NACC2: variants seen among roughly 807,000 people sequenced by gnomAD.
NACC2 encodes the protein nucleus accumbens-associated protein 2.
NACC2 carries 8 observed loss-of-function variants against 25.1 expected under a neutral mutation model. That is an observed-to-expected ratio of 0.32 (90% CI 0.19 to 0.57). The LOEUF (loss-of-function observed/expected upper bound fraction) is 0.57. Among genes scored for constraint, NACC2 ranks in the 20% least tolerant of loss-of-function variants. NACC2 has a pLI of 0.89. For synonymous variants in NACC2, 435 were observed against 294.7 expected, an observed-to-expected ratio of 1.48 and a Z score of -4.88; for missense variants, 644 against 650.2, an observed-to-expected ratio of 0.99 and a Z score of 0.10.
intron 2 of NACC2, among the ~76,000 whole-genome samples, chr9:136,037,401 T>C (rs1371474794): frequency 2.6e-5 from 4 of 152,112 alleles, no homozygotes; most frequent in African/African-American, 7.2e-5. Flanking sequence ...TTGTATTCCA[T>C]TGTATGGCCA....
intron 2 of NACC2, among the ~76,000 whole-genome samples, chr9:136,033,253 C>T (rs1396578971): frequency 6.6e-6 from 1 of 152,020 alleles, no homozygotes; most frequent in Non-Finnish European, 1.5e-5. Flanking sequence ...AGTGAGTTAG[C>T]AAGGTAAGCA....
chr9:136,083,378 A>G (rs1170471584), intron 1 of NACC2, among the ~76,000 whole-genome samples: 1 of 152,136 alleles, frequency 6.6e-6, no homozygotes, highest in Non-Finnish European at 1.5e-5. Context: ...GCAGCCACAG[A>G]GAAGAGGGAG....
At chr9:136,091,204 A>G (rs1351547702) in intron 1 of NACC2, among the ~76,000 whole-genome samples, 1 of 152,042 alleles carries the variant, frequency 6.6e-6, no homozygotes, top group Non-Finnish European at 1.5e-5. Flanking sequence ...TCACTGGCCC[A>G]ACAGCCCCCA....
At chr9:136,014,053 G>A (rs565341272) in intron 3 of NACC2, 84 bp from the exon 4 acceptor site, 11 of 682,356 alleles carry the variant, frequency 1.6e-5, no homozygotes, top group Non-Finnish European at 2.1e-5. Context: ...GAGGGGGAGG[G>A]GGGGAGGTGG....
At position 136,011,551 on chromosome 9, in the gene NACC2, G is replaced by C; in HGVS notation, c.1729C>G (p.Arg577Gly). 7.1e-7 allele frequency: 1 copy of C among 1,406,612 alleles called. No individual in the cohort carries two copies. The highest frequency in any genetic ancestry group is 9.2e-7 in the Non-Finnish European group (1 of 1,086,144). The allele number at this position is 1,406,612 out of a possible 1,614,324, so 87.1% of individuals were successfully genotyped here. A position where few individuals can be genotyped will look rare whatever the true frequency, so the allele number is the denominator to read the frequency against. Reference protein sequence around the residue: ...SRPQTPAAAARRPEGTYAGTL With the variant: ...SRPQTPAAAAGRPEGTYAGTL ...CCTGCATAGGTGCCCTCCGGCCTCCGGGCCGCGGCCGCCGGCGTCTGGGGC... is the reference window on the plus strand; with the variant it reads ...CCTGCATAGGTGCCCTCCGGCCTCCCGGCCGCGGCCGCCGGCGTCTGGGGC... The change falls in exon 6 of 6, where the codon CGG becomes GGG. Residue 577 changes from arginine to glycine, a missense_variant. Physicochemically the swap from Arg to Gly is moderately radical, Grantham distance 125 (BLOSUM62 -2). Transcript: ENST00000277554.
chr9:136,033,648 CAAAAAAA>C (rs558163152), intron 2 of NACC2, among the ~76,000 whole-genome samples: 1 of 71,204 alleles, frequency 1.4e-5, no homozygotes, highest in Non-Finnish European at 2.6e-5. Flanking sequence ...GACTCTGTCT[CAAAAAAA>C]AAAAAAAAAA....
In NACC2 at chr9:136,043,526, T is replaced by C. The variant is rs1296845176; in HGVS notation, c.886+6110A>G. ...GGCTGCTGGTGGGAGTGCGGCCTCATGCAGCCCCTTGGCCTCATGCGTTCA... is the reference window on the plus strand; with the variant it reads ...GGCTGCTGGTGGGAGTGCGGCCTCACGCAGCCCCTTGGCCTCATGCGTTCA... On this transcript the variant is annotated intron_variant, in intron 2 of 5. Coordinates refer to ENST00000277554, the MANE Select transcript of NACC2 (RefSeq NM_144653.5). Among the ~76,000 whole-genome samples, 4 of 152,246 alleles carry C rather than the reference T, an allele frequency of 2.6e-5. No individual in the cohort carries two copies. The East Asian group carries it at 7.7e-4, about 29-fold the overall frequency.
chr9:136,045,693 T>C (rs1430204503), intron 2 of NACC2, among the ~76,000 whole-genome samples: 6 of 152,102 alleles, frequency 3.9e-5, no homozygotes, highest in Non-Finnish European at 2.9e-5. Context: ...CGGTCTGCCA[T>C]GCCACAGGTG....
chr9:136,065,613 C>T (rs889535616), intron 1 of NACC2, among the ~76,000 whole-genome samples: 3 of 152,104 alleles, frequency 2.0e-5, no homozygotes, highest in Admixed American at 1.3e-4. Context: ...AAGCGAGACG[C>T]GGTTTCAGAT....
rs1697329536 is a variant in NACC2 at position 136,013,128 on chromosome 9, C to T, written c.1255+71G>A. ...GGCCGGGAGCACCCCCGCGGCCCAC[C>T]CAGTCCTCCTCAGGCTGGGATCTGA... On this transcript the variant is annotated intron_variant, in intron 5 of 5. Coordinates refer to ENST00000277554, the MANE Select transcript of NACC2 (RefSeq NM_144653.5). This position sits in a 1 kb window ranked among gnomAD's most constrained non-coding sequence, Gnocchi z 6.6. The T allele has an allele frequency of 2.1e-6, 3 of 1,424,074 alleles. No individual in the cohort carries two copies. Among genetic ancestry groups the T allele is most frequent in the East Asian group, 2.3e-5 (1 of 43,162 alleles). 88.2% of individuals were successfully genotyped at this position (1,424,074 alleles called of 1,614,324 possible). A position where few individuals can be genotyped will look rare whatever the true frequency, so the allele number is the denominator to read the frequency against.
At chr9:136,070,478 G>A (rs1841136891) in intron 1 of NACC2, among the ~76,000 whole-genome samples, 1 of 151,814 alleles carries the variant, frequency 6.6e-6, no homozygotes, top group East Asian at 1.9e-4. Flanking sequence ...CTGCACTCCA[G>A]CCTGGGCGAC....
At chr9:136,079,626 A>T (rs562175876) in intron 1 of NACC2, among the ~76,000 whole-genome samples, 2 of 152,326 alleles carry the variant, frequency 1.3e-5, no homozygotes, top group African/African-American at 4.8e-5. Flanking sequence ...GAGAGGCCAG[A>T]GGCCCCCCAG....
chr9:136,028,455 C>A (rs1429333536), intron 2 of NACC2, among the ~76,000 whole-genome samples: 2 of 149,152 alleles, frequency 1.3e-5, no homozygotes. Flanking sequence ...CAGCTCACTG[C>A]AACTCTGCCT....
chr9:136,036,573 T>A (rs1376663111), intron 2 of NACC2, among the ~76,000 whole-genome samples: 1 of 152,156 alleles, frequency 6.6e-6, no homozygotes, highest in Non-Finnish European at 1.5e-5. Context: ...ACACGTATAT[T>A]AGCTGACAAC....
intron 1 of NACC2, among the ~76,000 whole-genome samples, chr9:136,088,370 G>T (rs981357998): frequency 6.6e-6 from 1 of 152,096 alleles, no homozygotes; most frequent in Non-Finnish European, 1.5e-5. Context: ...TCTCCCCTAG[G>T]GCAAAAATTT....
intron 1 of NACC2, among the ~76,000 whole-genome samples, chr9:136,051,919 A>AGGAGGAGGAGGAGGAGGAGATGGT (rs1840850200): frequency 1.3e-4 from 2 of 14,984 alleles, no homozygotes; most frequent in Non-Finnish European, 2.2e-4. Context: ...GAGATGGTGG[A>AGGAGGAGGAGGAGGAGGAGATGGT]GGAGGAGGAG....
At position 136,057,935 on chromosome 9, in the gene NACC2, C is replaced by T. The variant is rs1022489350; in HGVS notation, c.-59-7355G>A. ...TGGTCACCCAGCCCATTAGAGACGG[C>T]GACTTCGCGGCACACTCTCATGGTT... On this transcript the variant is annotated intron_variant, in intron 1 of 5. Transcript: ENST00000277554. Among the ~76,000 whole-genome samples, 43 of 152,246 alleles carry T rather than the reference C, an allele frequency of 2.8e-4. 1 individual carries two copies. Among genetic ancestry groups the T allele is most frequent in the Admixed American group, 1.9e-3 (29 of 15,302 alleles).
At position 136,018,672 on chromosome 9, in the gene NACC2, C is replaced by T. The variant is rs1588558103; in HGVS notation, c.887-2243G>A. ...GGGCCTCAAAGGTGGGTGCACAGCC[C>T]CTGCCCGGCCACTACAGGGGTCAGG... On this transcript the variant is annotated intron_variant, in intron 2 of 5. Coordinates refer to ENST00000277554, the MANE Select transcript of NACC2 (RefSeq NM_144653.5). The surrounding 1 kb of genome is among the most constrained non-coding windows in gnomAD (Gnocchi z 4.4). Among the ~76,000 whole-genome samples, 1 of 152,122 alleles carries T rather than the reference C, an allele frequency of 6.6e-6. No homozygotes were observed. Among genetic ancestry groups the T allele is most frequent in the African/African-American group, 2.4e-5 (1 of 41,486 alleles).
chr9:136,066,241 A>G (rs945857351), intron 1 of NACC2, among the ~76,000 whole-genome samples: 4 of 152,148 alleles, frequency 2.6e-5, no homozygotes, highest in Non-Finnish European at 5.9e-5. Context: ...ATAGAAGGGA[A>G]TATCTGCCAA....
Sources: allele counts gnomAD v4.1 joint callset (sites outside exome capture counted in the v4.1 genomes callset), GRCh38; gene constraint gnomAD v4.1.1; non-coding constraint Gnocchi (gnomAD v3.1); transcripts MANE v1.5; gene names NCBI Gene and HGNC (gene_info 2026-07-23, HGNC 2026-07-21).